FAM110B: variants seen among roughly 807,000 people sequenced by gnomAD.
The protein encoded by FAM110B is protein FAM110B.
A neutral mutation model predicts 20.4 loss-of-function variants in FAM110B; 6 were observed. The observed-to-expected ratio is 0.29, with a 90% CI of 0.16 to 0.58. The LOEUF (loss-of-function observed/expected upper bound fraction) is 0.58. Among genes scored for constraint, FAM110B ranks in the 20% least tolerant of loss-of-function variants. The pLI is 0.90. For missense variants in FAM110B, 434 were observed against 498.2 expected (o/e 0.87, Z 1.23); for synonymous variants, 226 against 214.1 (o/e 1.06, Z -0.49).
At chr8:58,136,049 G>A (rs1424280503) in intron 3 of FAM110B, among the ~76,000 whole-genome samples, 2 of 117,976 alleles carry the variant, frequency 1.7e-5, no homozygotes, top group African/African-American at 3.3e-5. Flanking sequence ...ATTTAGCTGT[G>A]TCTCCAGGCT....
At chr8:58,040,367 A>G (rs7003242) in intron 2 of FAM110B, among the ~76,000 whole-genome samples, 126,792 of 152,206 alleles carry the variant, frequency 0.83, 52,998 homozygotes, top group East Asian at 0.94. Context: ...AGAAACTGGT[A>G]TCTGTATCCC....
chr8:57,995,192 C>T (rs1277555492), intron 1 of FAM110B, among the ~76,000 whole-genome samples: 4 of 152,140 alleles, frequency 2.6e-5, no homozygotes, highest in African/African-American at 9.7e-5. Flanking sequence ...CGGAGGTGGG[C>T]TCCGAAAGCG....
intron 1 of FAM110B, among the ~76,000 whole-genome samples, chr8:58,022,166 C>T (rs1328193543): frequency 2.0e-5 from 3 of 152,274 alleles, no homozygotes; most frequent in Non-Finnish European, 2.9e-5. Context: ...TGAGAAAGAC[C>T]GAACTCTGTG....
intron 1 of FAM110B, among the ~76,000 whole-genome samples, chr8:58,023,199 G>A (rs1172422928): frequency 6.6e-6 from 1 of 151,920 alleles, no homozygotes; most frequent in Non-Finnish European, 1.5e-5. Context: ...TATTTTTCAA[G>A]CAACACAGTG....
chr8:58,042,349 T>A (rs1469857233), intron 2 of FAM110B, among the ~76,000 whole-genome samples: 1 of 152,242 alleles, frequency 6.6e-6, no homozygotes, highest in African/African-American at 2.4e-5. Flanking sequence ...TAATGAGAAT[T>A]GTGAGTGCAA....
chr8:58,030,347 A>G (rs1269449084), intron 1 of FAM110B, among the ~76,000 whole-genome samples: 1 of 152,224 alleles, frequency 6.6e-6, no homozygotes, highest in African/African-American at 2.4e-5. Flanking sequence ...GACAGGAGAA[A>G]GTAGGCTGTT....
intron 1 of FAM110B, among the ~76,000 whole-genome samples, chr8:57,995,234 A>G (rs1804159706): frequency 6.6e-6 from 1 of 152,012 alleles, no homozygotes; most frequent in Middle Eastern, 3.4e-3. Context: ...GAGTGGGACT[A>G]CGAAGGATGG....
At chr8:58,074,967 T>A (rs575197306) in intron 2 of FAM110B, among the ~76,000 whole-genome samples, 2 of 152,342 alleles carry the variant, frequency 1.3e-5, no homozygotes, top group South Asian at 4.1e-4. Context: ...ATAATTGCTA[T>A]CCATGGTTAA....
At chr8:58,015,963 T>C (rs1216933995) in intron 1 of FAM110B, among the ~76,000 whole-genome samples, 6 of 152,210 alleles carry the variant, frequency 3.9e-5, no homozygotes, top group African/African-American at 1.4e-4. Context: ...TCTTGGAATA[T>C]TTAACTATTC....
chr8:58,055,891 T>G (rs1805537949), intron 2 of FAM110B, among the ~76,000 whole-genome samples: 2 of 152,268 alleles, frequency 1.3e-5, no homozygotes, highest in Admixed American at 1.3e-4. Context: ...ACATTGACTG[T>G]ATCAAAAGTT....
intron 3 of FAM110B, among the ~76,000 whole-genome samples, chr8:58,112,142 A>G (rs1807072901): frequency 6.6e-6 from 1 of 152,136 alleles, no homozygotes; most frequent in African/African-American, 2.4e-5. Flanking sequence ...TGGCCAACAT[A>G]TAGTGAAACC....
chr8:58,078,918 C>T (rs763296774), intron 3 of FAM110B, among the ~76,000 whole-genome samples: 2 of 152,142 alleles, frequency 1.3e-5, no homozygotes, highest in African/African-American at 2.4e-5. Flanking sequence ...CAACAACCCT[C>T]GTGCATTTAT....
intron 3 of FAM110B, among the ~76,000 whole-genome samples, chr8:58,106,452 G>A (rs966724184): frequency 6.6e-6 from 1 of 152,164 alleles, no homozygotes; most frequent in Non-Finnish European, 1.5e-5. Flanking sequence ...TGGAAACACA[G>A]CAGGGCAATG....
chr8:58,147,146 C>T lies in FAM110B; in HGVS notation c.916C>T (p.Leu306Phe). 6.2e-7 allele frequency: 1 copy of T among 1,614,150 alleles called. No individual in the cohort carries two copies. Among genetic ancestry groups the T allele is most frequent in the South Asian group, 1.1e-5 (1 of 91,078 alleles). ...AAGGGCTAATTCTGACATAATATCC[C>T]TCAACTTCCGCAGCGCAAGCATGAT... ...FARANSDIIS[L>F]NFRSASMISS... Residue 306 changes from leucine to phenylalanine, a missense_variant, in exon 4 of 4, where the codon CTC becomes TTC. By Grantham distance (22) the Leu-to-Phe change is conservative. Transcript: ENST00000519262.
chr8:58,037,640 A>T (rs1805106254), intron 2 of FAM110B, among the ~76,000 whole-genome samples: 2 of 146,878 alleles, frequency 1.4e-5, no homozygotes, highest in East Asian at 2.0e-4. Flanking sequence ...CTGTCTCTTT[A>T]AAAAAAAAAA....
chr8:58,140,958 A>G (rs1426778521), intron 3 of FAM110B, among the ~76,000 whole-genome samples: 1 of 152,206 alleles, frequency 6.6e-6, no homozygotes, highest in East Asian at 1.9e-4. Flanking sequence ...CGTCTTACAC[A>G]TAATTGCTCC....
chr8:58,103,286 A>G (rs1236679606), intron 3 of FAM110B, among the ~76,000 whole-genome samples: 1 of 151,644 alleles, frequency 6.6e-6, no homozygotes, highest in Non-Finnish European at 1.5e-5. Flanking sequence ...CTCGTCATCT[A>G]GCATTAGGTA....
At chr8:58,070,086 A>G (rs1170756966) in intron 2 of FAM110B, 1 of 152,234 alleles carries the variant, frequency 6.6e-6, no homozygotes, top group Non-Finnish European at 1.5e-5. Flanking sequence ...GCAGCCTGCT[A>G]AACGCCGGTG....
intron 2 of FAM110B, among the ~76,000 whole-genome samples, chr8:58,040,935 CT>C (rs60228265): frequency 0.059 from 5,712 of 97,312 alleles, 230 homozygotes; most frequent in African/African-American, 0.2. Flanking sequence ...ATGGGAAAAT[CT>C]TTTTTTTTTT....
Sources: gnomAD v4.1 joint callset for allele counts (sites outside exome capture counted in the v4.1 genomes callset) on GRCh38, gnomAD v4.1.1 for gene constraint, MANE v1.5 for transcripts, NCBI Gene and HGNC (gene_info 2026-07-23, HGNC 2026-07-21) for gene names.